The following FMNL3 variants were observed in gnomAD, a reference collection of about 807,000 sequenced individuals.
FMNL3 encodes formin-like protein 3.
A neutral mutation model predicts 119.6 loss-of-function variants in FMNL3; 57 were observed. The observed-to-expected ratio is 0.48, with a 90% CI of 0.39 to 0.59. The LOEUF (loss-of-function observed/expected upper bound fraction) is 0.59, where lower values mean the gene tolerates loss of function less well. FMNL3 is among the 20% of genes least tolerant of loss of function. FMNL3 has a pLI of 0.00. For synonymous variants in FMNL3, 491 were observed against 507.3 expected, an observed-to-expected ratio of 0.97 and a Z score of 0.43; for missense variants, 1,053 against 1,323.5, an observed-to-expected ratio of 0.80 and a Z score of 3.17.
At position 49,649,337 on chromosome 12, in the gene FMNL3, G is replaced by C; in HGVS notation, c.2307C>G (p.Ile769Met). 6.2e-7 allele frequency: 1 copy of C among 1,614,158 alleles called. No homozygotes were observed. ...SSQKLKQMLE[I>M]ILALGNYMNS... ...TCATGTAGTTCCCCAGTGCAAGTAT[G>C]ATCTGTCCAAAGAATGTGTGGGAGG... The change falls in exon 20 of 26, where the codon ATC becomes ATG. Residue 769 changes from isoleucine (I) to methionine (M), a missense_variant and splice_region_variant. Transcript: ENST00000335154. This position sits in a 1 kb window ranked among gnomAD's most constrained non-coding sequence, Gnocchi z 5.6.
chr12:49,651,180 CTCA>C lies in FMNL3; in HGVS notation c.1782_1784del (p.Asp594del), dbSNP rs759178341. On this transcript the variant is annotated inframe_deletion, in exon 16 of 26. Coordinates refer to ENST00000335154, the MANE Select transcript of FMNL3 (RefSeq NM_175736.5). Reference sequence around the variant, plus strand: ...CAGGCCCTGTTACCTCCAAGATCTTCTCATCATCAAGTTCGCTGAAGACAGTGC... The same window carrying C: ...CAGGCCCTGTTACCTCCAAGATCTTCTCATCAAGTTCGCTGAAGACAGTGC... 1.2e-5 allele frequency: 19 copies of C among 1,613,216 alleles called. No individual in the cohort carries two copies. The highest frequency in any genetic ancestry group is 1.1e-5 in the South Asian group (1 of 91,068).
intron 1 of FMNL3, among the ~76,000 whole-genome samples, chr12:49,699,061 T>C (rs1944831730): frequency 6.6e-6 from 1 of 152,200 alleles, no homozygotes; most frequent in African/African-American, 2.4e-5. Flanking sequence ...GATGAACCCC[T>C]AGCCTTTCCC....
At chr12:49,661,744 T>G (rs1943739411) in intron 5 of FMNL3, 3 of 562,300 alleles carry the variant, frequency 5.3e-6, no homozygotes, top group Non-Finnish European at 9.6e-6. Context: ...TTCTCCAAAA[T>G]GCATCTTATC....
chr12:49,642,785 TAAGG>T lies in FMNL3; in HGVS notation c.*3026_*3029del, dbSNP rs1054686801. On this transcript the variant is annotated 3_prime_UTR_variant, in exon 26 of 26. Coordinates refer to ENST00000335154, the MANE Select transcript of FMNL3 (RefSeq NM_175736.5). The surrounding 1 kb of genome is among the most constrained non-coding windows in gnomAD (Gnocchi z 5.8). ...TACCCTTAGGGCACTCCTGGCCAGC[TAAGG>T]AAGGGGAGGCCTGAGGATCCCTGGG... The T allele has an allele frequency of 1.3e-5, 19 of 1,437,728 alleles. No individual in the cohort carries two copies. Among genetic ancestry groups the T allele is most frequent in the Middle Eastern group, 1.8e-4 (1 of 5,694 alleles). 89.1% of individuals were successfully genotyped at this position (1,437,728 alleles called of 1,614,324 possible).
In FMNL3 at chr12:49,652,175, A is replaced by G; in HGVS notation, c.1361T>C (p.Leu454Pro). The G allele has an allele frequency of 1.9e-6, 3 of 1,613,326 alleles. No individual in the cohort carries two copies. Among genetic ancestry groups the G allele is most frequent in the Non-Finnish European group, 2.5e-6 (3 of 1,179,778 alleles). The change falls in exon 14 of 26, where the codon CTG becomes CCG. Residue 454 changes from leucine to proline, a missense_variant. Physicochemically the swap from Leu to Pro is moderately conservative, Grantham distance 98. Transcript: ENST00000335154. ...YENTSHQVHTLRRLIKEKEEA... is the reference protein window; with the variant it reads ...YENTSHQVHTPRRLIKEKEEA... ...CTCCTTCTCTTTAATGAGCCTCCGCAGGGTGTGCACCTGGTGGCTTGTGTT... is the reference window on the plus strand; with the variant it reads ...CTCCTTCTCTTTAATGAGCCTCCGCGGGGTGTGCACCTGGTGGCTTGTGTT...
At chr12:49,646,540 G>A in intron 25 of FMNL3, 1 of 934,134 alleles carries the variant, frequency 1.1e-6, no homozygotes, top group Non-Finnish European at 1.6e-6. Context: ...GGCTGCCAGA[G>A]GGTGATTGCA....
intron 1 of FMNL3, among the ~76,000 whole-genome samples, chr12:49,690,614 A>G (rs1787378942): frequency 6.6e-6 from 1 of 152,214 alleles, no homozygotes; most frequent in Non-Finnish European, 1.5e-5. Context: ...GATAGCTAAG[A>G]TCCAAACCCA....
chr12:49,637,891 C>CT lies in FMNL3; in HGVS notation c.*7923_*7924insA. The CT allele has an allele frequency of 1.6e-6, 2 of 1,283,878 alleles. No individual in the cohort carries two copies. Among genetic ancestry groups the CT allele is most frequent in the Non-Finnish European group, 2.2e-6 (2 of 891,954 alleles). The allele number at this position is 1,283,878 out of a possible 1,614,324, so 79.5% of individuals were successfully genotyped here. On this transcript the variant is annotated 3_prime_UTR_variant, in exon 26 of 26. Transcript: ENST00000335154. ...AGGGCACACTCCCTGCAGAGGACTC[C>CT]CTGATAAGTCCTGTTTTGCAGAAGC...
At chr12:49,650,151 G>C (rs900780933) in intron 17 of FMNL3, among the ~76,000 whole-genome samples, 1 of 152,024 alleles carries the variant, frequency 6.6e-6, no homozygotes, top group Non-Finnish European at 1.5e-5. Context: ...CTGTACCTAG[G>C]GTGAAGTCCA....
intron 1 of FMNL3, among the ~76,000 whole-genome samples, chr12:49,675,817 C>T (rs550804488): frequency 6.6e-6 from 1 of 152,190 alleles, no homozygotes; most frequent in Non-Finnish European, 1.5e-5. Flanking sequence ...ATGAGAAAAC[C>T]TGAGCTCCTT....
intron 4 of FMNL3, among the ~76,000 whole-genome samples, chr12:49,665,127 A>G (rs1035846177): frequency 1.3e-5 from 2 of 151,594 alleles, no homozygotes; most frequent in African/African-American, 4.9e-5. Flanking sequence ...ACCTTTGCTG[A>G]TTACAGTTTC....
intron 1 of FMNL3, among the ~76,000 whole-genome samples, chr12:49,685,747 CAAG>C (rs1944440712): frequency 6.6e-6 from 1 of 152,178 alleles, no homozygotes; most frequent in South Asian, 2.1e-4. Context: ...ATCTCTGATT[CAAG>C]AAGTTAATGG....
rs180728230 is a variant in FMNL3, at chr12:49,674,390, A to G, written c.127-5836T>C. The stretch of plus-strand genomic sequence containing the variant: ...TACCACCCCACCACCACACCAAAGC[A>G]CTCAAGAATATAAAGGATGAAAGGC... On this transcript the variant is annotated intron_variant, in intron 1 of 25. Transcript: ENST00000335154. Among the ~76,000 whole-genome samples the G allele has an allele frequency of 3.4e-3, 510 of 152,212 alleles. 11 individuals carry two copies. Among genetic ancestry groups the G allele is most frequent in the Non-Finnish European group, 7.2e-4 (49 of 68,012 alleles).
intron 1 of FMNL3, among the ~76,000 whole-genome samples, chr12:49,697,736 T>C (rs1944788880): frequency 6.6e-6 from 1 of 152,242 alleles, no homozygotes; most frequent in Non-Finnish European, 1.5e-5. Context: ...CAAAGTGTTT[T>C]CACTATGTTG....
chr12:49,650,005 G>C (rs1051816692), intron 17 of FMNL3, 80 bp from the exon 18 acceptor site: 7 of 1,259,192 alleles, frequency 5.6e-6, no homozygotes, highest in South Asian at 1.4e-5. Flanking sequence ...CAAGCTCCTA[G>C]AAGAACTGGA....
chr12:49,696,002 C>T (rs1296388434), intron 1 of FMNL3, among the ~76,000 whole-genome samples: 1 of 152,124 alleles, frequency 6.6e-6, no homozygotes, highest in Non-Finnish European at 1.5e-5. Flanking sequence ...AGGATATTAT[C>T]TAACCTTTGG....
chr12:49,654,563 A>T (rs1943512362), intron 10 of FMNL3, among the ~76,000 whole-genome samples: 1 of 152,230 alleles, frequency 6.6e-6, no homozygotes, highest in Non-Finnish European at 1.5e-5. Context: ...TTGTACATCA[A>T]CAGGTATTCC....
rs556969163 is a variant in FMNL3 at position 49,641,718 on chromosome 12, G to A, written c.*4097C>T. 2 of 587,952 alleles carry A rather than the reference G, an allele frequency of 3.4e-6. No homozygotes were observed. The highest frequency in any genetic ancestry group is 3.7e-5 in the African/African-American group (2 of 53,866). The allele number at this position is 587,952 out of a possible 1,614,324, so 36.4% of individuals were successfully genotyped here. A position where few individuals can be genotyped will look rare whatever the true frequency, so the allele number is the denominator to read the frequency against. On this transcript the variant is annotated 3_prime_UTR_variant, in exon 26 of 26. Coordinates refer to ENST00000335154, the MANE Select transcript of FMNL3 (RefSeq NM_175736.5). The stretch of plus-strand genomic sequence containing the variant: ...CAGCTCTGTGTGACATCCAAACCAA[G>A]GGTAGGCATGGGGGCTTAATTGTCA...
intron 1 of FMNL3, among the ~76,000 whole-genome samples, chr12:49,672,705 T>C (rs1441591814): frequency 6.6e-6 from 1 of 152,184 alleles, no homozygotes; most frequent in African/African-American, 2.4e-5. Context: ...CCCAGCCCAG[T>C]GAGCCCCTCC....
Sources: allele counts gnomAD v4.1 joint callset (sites outside exome capture counted in the v4.1 genomes callset), GRCh38; gene constraint gnomAD v4.1.1; non-coding constraint Gnocchi (gnomAD v3.1); transcripts MANE v1.5; gene names NCBI Gene and HGNC (gene_info 2026-07-23, HGNC 2026-07-21).